The following KIF20B variants were observed in gnomAD, a reference collection of about 807,000 sequenced individuals.
KIF20B encodes the protein kinesin-like protein KIF20B.
Under a neutral mutation model 232.5 loss-of-function variants are expected in KIF20B, and 188 were observed. The observed-to-expected ratio is 0.81, with a 90% confidence interval of 0.72 to 0.91. The LOEUF is 0.91. Ranked by LOEUF, KIF20B falls within the 40% of genes least tolerant of loss-of-function variation. The pLI is 0.00. For missense variants in KIF20B, 2,154 were observed against 2,055.9 expected, an observed-to-expected ratio of 1.05 and a Z score of -0.92; for synonymous variants, 712 against 683.0, an observed-to-expected ratio of 1.04 and a Z score of -0.66.
rs1439270113 is a variant in KIF20B, at chr10:89,716,845, T to A, written c.1052+298T>A. 3.9e-5 allele frequency among the ~76,000 whole-genome samples: 6 copies of A among 152,182 alleles called. No homozygotes were observed. In the East Asian group the frequency reaches 1.2e-3, roughly 29 times the overall value. ...TAATAATGGTGGCCTTTTCTCTGGG[T>A]CTTTCTCACTTATCCCCTGAATACT... On this transcript the variant is annotated intron_variant, in intron 9 of 32. Transcript: ENST00000371728.
At chr10:89,716,396 G>T in intron 8 of KIF20B, 40 bp from the exon 9 acceptor site, 1 of 849,892 alleles carries the variant, frequency 1.2e-6, no homozygotes, top group Non-Finnish European at 1.9e-6. Context: ...CACATTCTTT[G>T]TCTCAATAAA....
intron 28 of KIF20B, 105 bp downstream of exon 28, chr10:89,760,741 G>A (rs1238331232): frequency 1.4e-6 from 1 of 697,534 alleles, no homozygotes. Context: ...ACAATTAGCT[G>A]TGTGTGCTCT....
At position 89,729,150 on chromosome 10, in the gene KIF20B, G is replaced by A. The variant is rs762501126; in HGVS notation, c.2294G>A (p.Arg765Lys). The A allele has an allele frequency of 7.7e-6, 11 of 1,430,782 alleles. No individual in the cohort carries two copies. Among genetic ancestry groups the A allele is most frequent in the Admixed American group, 2.6e-5 (1 of 38,070 alleles). The allele number at this position is 1,430,782 out of a possible 1,614,324, so 88.6% of individuals were successfully genotyped here. A position where few individuals can be genotyped will look rare whatever the true frequency, so the allele number is the denominator to read the frequency against. The change falls in exon 18 of 33, where the codon AGA becomes AAA. Residue 765 changes from arginine to lysine, a missense_variant. By Grantham distance (26) the Arg-to-Lys change is conservative. Transcript: ENST00000371728. ...AAGAAAATAATTACACAGAATCAAA[G>A]AATTAAAGAATTGATAAATATAATT... ...SNKKIITQNQ[R>K]IKELINIIDQ...
At chr10:89,762,939 C>A in intron 29 of KIF20B, 104 bp downstream of exon 29, 1 of 767,442 alleles carries the variant, frequency 1.3e-6, no homozygotes, top group Non-Finnish European at 2.1e-6. Context: ...ATAGGCACTG[C>A]TGTTAGAGAC....
chr10:89,735,931 A>G (rs1293978629), intron 19 of KIF20B, among the ~76,000 whole-genome samples: 2 of 152,220 alleles, frequency 1.3e-5, no homozygotes, highest in Non-Finnish European at 2.9e-5. Context: ...CTTGTACTTC[A>G]TATTATATCT....
At chr10:89,729,317 TA>T in intron 18 of KIF20B, 70 bp downstream of exon 18, 1 of 1,304,356 alleles carries the variant, frequency 7.7e-7, no homozygotes, top group East Asian at 3.1e-5. Context: ...GGAAATAATT[TA>T]AAATAGCTTA....
Position 89,743,926 on chromosome 10 carries a change from A to G in KIF20B, c.4034A>G (p.Lys1345Arg). The G allele has an allele frequency of 6.3e-7, 1 of 1,580,210 alleles. No individual in the cohort carries two copies. The highest frequency in any genetic ancestry group is 8.6e-7 in the Non-Finnish European group (1 of 1,168,538). ...AAACAGCGAACCATTCAGCAACTCA[A>G]GGTAAACAGTTTTGTTTTTAAAGAT... ...DMKQRTIQQL[K>R]EQLNNQKVEE... The change falls in exon 22 of 33, where the codon AAG becomes AGG. Residue 1345 changes from lysine (K) to arginine (R), a missense_variant and splice_region_variant. Lys to Arg is a conservative substitution (Grantham distance 26, BLOSUM62 2). Transcript: ENST00000371728.
chr10:89,714,209 G>A (rs1051194349), intron 7 of KIF20B, 126 bp downstream of exon 7: 48 of 412,356 alleles, frequency 1.2e-4, no homozygotes, highest in Non-Finnish European at 1.7e-4. Context: ...GGCTGGGCGC[G>A]GTGGCTCATG....
chr10:89,721,656 T>C (rs1021801407), intron 13 of KIF20B, among the ~76,000 whole-genome samples: 1 of 151,858 alleles, frequency 6.6e-6, no homozygotes, highest in African/African-American at 2.4e-5. Context: ...GGTGACAGAG[T>C]GAGACCTTGT....
At chr10:89,756,039 T>A (rs1041965845) in intron 26 of KIF20B, among the ~76,000 whole-genome samples, 2 of 152,200 alleles carry the variant, frequency 1.3e-5, no homozygotes, top group African/African-American at 2.4e-5. Context: ...AGCTAAACTT[T>A]CCAGCATGCT....
rs139497016 is a variant in KIF20B, at chr10:89,738,431, T to C, written c.3590T>C (p.Leu1197Pro). 6.9e-6 allele frequency: 11 copies of C among 1,603,064 alleles called. No individual in the cohort carries two copies. Among genetic ancestry groups the C allele is most frequent in the Middle Eastern group, 1.7e-4 (1 of 6,032 alleles). ...GAAAAGGAATCTATCATCTTAAAGC[T>C]AGAAAGAAATTTGAAGGAATTTCAA... ...ILEKESIILKLERNLKEFQEH... is the reference protein window; with the variant it reads ...ILEKESIILKPERNLKEFQEH... The change falls in exon 20 of 33, where the codon CTA (leucine) becomes CCA (proline). Residue 1197 changes from leucine (L) to proline (P), a missense_variant. Coordinates refer to ENST00000371728, the MANE Select transcript of KIF20B (RefSeq NM_001284259.2).
At chr10:89,749,575 A>T (rs1173006705) in intron 23 of KIF20B, among the ~76,000 whole-genome samples, 1 of 152,022 alleles carries the variant, frequency 6.6e-6, no homozygotes, top group African/African-American at 2.4e-5. Flanking sequence ...CATTCACCCC[A>T]TCCCTCCAGC....
At chr10:89,706,695 C>T (rs540611006) in intron 2 of KIF20B, among the ~76,000 whole-genome samples, 3 of 151,550 alleles carry the variant, frequency 2.0e-5, no homozygotes. Flanking sequence ...ACTTTCCTTT[C>T]CCTGTTGTTT....
Position 89,737,646 on chromosome 10 carries a change from A to T in KIF20B, c.2805A>T (p.Gln935His). The T allele has an allele frequency of 6.2e-7, 1 of 1,611,690 alleles. No homozygotes were observed. Among genetic ancestry groups the T allele is most frequent in the South Asian group, 1.1e-5 (1 of 90,526 alleles). Residue 935 changes from glutamine (Q) to histidine (H), a missense_variant, in exon 20 of 33, where the codon CAA becomes CAT. By Grantham distance (24) the Gln-to-His change is conservative. Transcript: ENST00000371728. The stretch of plus-strand genomic sequence containing the variant: ...TAACTTTAAGTAAAGAGGTCCAACA[A>T]ATTCAGTCAAATTATGATATTGCAA... ...KNLTLSKEVQ[Q>H]IQSNYDIAIA...
chr10:89,745,942 A>T lies in KIF20B; in HGVS notation c.4079A>T (p.Tyr1360Phe), dbSNP rs770237957. Reference protein sequence around the residue: ...NQKVEEAIQQYERACKDLNVK... With the variant: ...NQKVEEAIQQFERACKDLNVK... ...AAAGTGGAAGAAGCTATACAACAGT[A>T]TGAGAGAGCATGCAAAGGTCAGGAA... Residue 1360 changes from tyrosine (Y) to phenylalanine (F), a missense_variant, in exon 23 of 33, where the codon TAT becomes TTT. By Grantham distance (22) the Tyr-to-Phe change is conservative (BLOSUM62 3). Transcript: ENST00000371728. 6.2e-7 allele frequency: 1 copy of T among 1,611,108 alleles called. No homozygotes were observed. The highest frequency in any genetic ancestry group is 1.3e-5 in the African/African-American group (1 of 74,994).
At chr10:89,705,065 T>G (rs373687541) in intron 1 of KIF20B, among the ~76,000 whole-genome samples, 15 of 152,244 alleles carry the variant, frequency 9.9e-5, no homozygotes, top group Middle Eastern at 3.2e-3. Context: ...ATGGATATTA[T>G]ATGAAAATAG....
At chr10:89,731,556 G>A (rs1843319721) in intron 18 of KIF20B, among the ~76,000 whole-genome samples, 1 of 152,108 alleles carries the variant, frequency 6.6e-6, no homozygotes, top group East Asian at 1.9e-4. Context: ...AATTTAGTTT[G>A]AATTCTTTGC....
chr10:89,724,410 C>T (rs1213685027), intron 14 of KIF20B, among the ~76,000 whole-genome samples: 1 of 151,976 alleles, frequency 6.6e-6, no homozygotes, highest in African/African-American at 2.4e-5. Flanking sequence ...TCCTGAAGTC[C>T]CAGCTGCTTT....
At chr10:89,737,246 T>C (rs1386902565) in intron 19 of KIF20B, 141 bp from the exon 20 acceptor site, 1 of 948,956 alleles carries the variant, frequency 1.1e-6, no homozygotes, top group Non-Finnish European at 1.4e-6. Context: ...TTTCTTTTTT[T>C]CTCAACAGCT....
Sources: allele counts gnomAD v4.1 joint callset (sites outside exome capture counted in the v4.1 genomes callset), GRCh38; gene constraint gnomAD v4.1.1; transcripts MANE v1.5; gene names NCBI Gene and HGNC (gene_info 2026-07-23, HGNC 2026-07-21).